The following BRAF variants were observed in gnomAD, a reference collection of about 807,000 sequenced individuals.
The protein encoded by BRAF is serine/threonine-protein kinase B-raf.
Under a neutral mutation model 104.6 loss-of-function variants are expected in BRAF, and 16 were observed. That is an observed-to-expected ratio of 0.15 (90% CI 0.10 to 0.23). The LOEUF is 0.23. Ranked by LOEUF, BRAF falls within the 10% of genes least tolerant of loss-of-function variation. The probability of loss-of-function intolerance (pLI) is 1.00; values close to 1 mark genes in which losing one functional copy is unlikely to be tolerated. For missense variants in BRAF, 541 were observed against 937.3 expected, an observed-to-expected ratio of 0.58 and a Z score of 5.52; for synonymous variants, 310 against 341.6, an observed-to-expected ratio of 0.91 and a Z score of 1.02.
Position 140,783,128 on chromosome 7 carries a change from G to A in BRAF, c.1327C>T (p.Pro443Ser), listed in dbSNP as rs749792302. ...GTTAGTGAGCCAGGTAATGAGGCAG[G>A]GGGGGTAGCAGACAAACCTGTGGTT... ...GSTTGLSATP[P>S]ASLPGSLTNV... The change falls in exon 11 of 20, where the codon CCT becomes TCT. Residue 443 changes from proline to serine, a missense_variant. This residue lies in a region of BRAF where 109 missense variants were observed against 143.9 expected (regional missense o/e 0.76). Transcript: ENST00000644969. The A allele has an allele frequency of 2.5e-6, 4 of 1,614,018 alleles. No homozygotes were observed. Among genetic ancestry groups the A allele is most frequent in the South Asian group, 1.1e-5 (1 of 91,070 alleles).
chr7:140,748,439 T>A (rs570930464), intron 17 of BRAF, among the ~76,000 whole-genome samples: 1 of 152,254 alleles, frequency 6.6e-6, no homozygotes, highest in South Asian at 2.1e-4. Flanking sequence ...TTAATTACAA[T>A]CTGCTCCAGT....
intron 18 of BRAF, among the ~76,000 whole-genome samples, chr7:140,736,193 C>A (rs528719502): frequency 6.6e-6 from 1 of 151,480 alleles, no homozygotes; most frequent in Admixed American, 6.6e-5. Context: ...GCCTCAGCCT[C>A]CCGAGTAGCT....
In BRAF at chr7:140,721,947, T is replaced by A; in HGVS notation, c.*4547A>T. 1.6e-6 allele frequency: 2 copies of A among 1,251,154 alleles called. No individual in the cohort carries two copies. Among genetic ancestry groups the A allele is most frequent in the Non-Finnish European group, 2.0e-6 (2 of 999,636 alleles). 77.5% of individuals were successfully genotyped at this position (1,251,154 alleles called of 1,614,324 possible). A position where few individuals can be genotyped will look rare whatever the true frequency, so the allele number is the denominator to read the frequency against. On this transcript the variant is annotated 3_prime_UTR_variant, in exon 20 of 20. Coordinates refer to ENST00000644969, the MANE Select transcript of BRAF (RefSeq NM_001374258.1). ...AAACTCTGAAAAATCAGTGTCTAGG[T>A]TGGCAGCAGTACTCTGGAAACTGAT...
At chr7:140,829,310 T>C (rs114249437) in intron 3 of BRAF, among the ~76,000 whole-genome samples, 2,169 of 151,686 alleles carry the variant, frequency 0.014, 53 homozygotes, top group African/African-American at 0.049. Context: ...AGATTTTACA[T>C]GCAGCCTACT....
At chr7:140,842,267 T>C (rs1808046251) in intron 2 of BRAF, among the ~76,000 whole-genome samples, 1 of 152,222 alleles carries the variant, frequency 6.6e-6, no homozygotes, top group Non-Finnish European at 1.5e-5. Flanking sequence ...ACCTTGGCCA[T>C]ATTATTAAAT....
downstream of BRAF, among the ~76,000 whole-genome samples, chr7:140,716,252 A>G (rs1257430983): frequency 6.6e-6 from 1 of 152,204 alleles, no homozygotes; most frequent in Admixed American, 6.5e-5. Context: ...TTGGAGTCAG[A>G]CTTGCTGGAT....
intron 17 of BRAF, among the ~76,000 whole-genome samples, chr7:140,748,670 A>G (rs1413054673): frequency 6.6e-6 from 1 of 152,114 alleles, no homozygotes; most frequent in African/African-American, 2.4e-5. Context: ...GCCAATTTTA[A>G]AAGTCTAAGC....
chr7:140,799,283 A>C (rs1010041064), intron 7 of BRAF: 2 of 232,454 alleles, frequency 8.6e-6, no homozygotes, highest in African/African-American at 4.4e-5. Flanking sequence ...ACTTGTCTTC[A>C]CTGCCTCTCT....
At chr7:140,870,955 C>T (rs904164745) in intron 1 of BRAF, among the ~76,000 whole-genome samples, 1 of 151,466 alleles carries the variant, frequency 6.6e-6, no homozygotes, top group Admixed American at 6.6e-5. Context: ...TGGCTGGGCG[C>T]GGTGGCTCAC....
At position 140,918,536 on chromosome 7, in the gene BRAF, T is replaced by C. The variant is rs183522729; in HGVS notation, c.138+6030A>G. 4.3e-3 allele frequency among the ~76,000 whole-genome samples: 658 copies of C among 152,238 alleles called. 5 individuals carry two copies. The highest frequency in any genetic ancestry group is 5.1e-3 in the Non-Finnish European group (346 of 68,010). ...CTGTGGCCCAGGGGTTGGGGGCCCCTGGTATAGAGGCACTAAACAGAGCCC... is the reference window on the plus strand; with the variant it reads ...CTGTGGCCCAGGGGTTGGGGGCCCCCGGTATAGAGGCACTAAACAGAGCCC... On this transcript the variant is annotated intron_variant, in intron 1 of 19. Transcript: ENST00000644969.
At chr7:140,904,384 G>C (rs1816049723) in intron 1 of BRAF, among the ~76,000 whole-genome samples, 1 of 150,968 alleles carries the variant, frequency 6.6e-6, no homozygotes, top group South Asian at 2.1e-4. Flanking sequence ...CTCCAGCTCA[G>C]TTATTTTTTT....
chr7:140,870,869 C>CT (rs1295589944), intron 1 of BRAF, among the ~76,000 whole-genome samples: 7 of 134,446 alleles, frequency 5.2e-5, no homozygotes, highest in African/African-American at 2.0e-4. Context: ...CCTTTTCTTA[C>CT]TTAAAAAAAA....
At chr7:140,815,136 T>C (rs1000342106) in intron 3 of BRAF, among the ~76,000 whole-genome samples, 1 of 151,526 alleles carries the variant, frequency 6.6e-6, no homozygotes, top group Non-Finnish European at 1.5e-5. Flanking sequence ...TTACATCAAT[T>C]ACATTTTTTT....
At chr7:140,842,645 G>A (rs546591126) in intron 2 of BRAF, among the ~76,000 whole-genome samples, 1 of 152,302 alleles carries the variant, frequency 6.6e-6, no homozygotes, top group African/African-American at 2.4e-5. Context: ...TGGAAACACT[G>A]AGAGGAAATG....
chr7:140,866,672 T>G (rs1376403182), intron 1 of BRAF, among the ~76,000 whole-genome samples: 1 of 152,128 alleles, frequency 6.6e-6, no homozygotes, highest in Non-Finnish European at 1.5e-5. Context: ...TTAGTCAAGA[T>G]GTTATATTTT....
chr7:140,865,896 CA>C (rs1159147110), intron 1 of BRAF, among the ~76,000 whole-genome samples: 2 of 152,156 alleles, frequency 1.3e-5, no homozygotes, highest in Non-Finnish European at 2.9e-5. Flanking sequence ...GAGGATCAAA[CA>C]TTTTTTTCTG....
At chr7:140,876,507 CAAAT>C (rs1278290960) in intron 1 of BRAF, among the ~76,000 whole-genome samples, 1 of 152,124 alleles carries the variant, frequency 6.6e-6, no homozygotes, top group Non-Finnish European at 1.5e-5. Flanking sequence ...TCTATAGATA[CAAAT>C]TAAAAGACAA....
rs1795261760 is a variant in BRAF at position 140,720,335 on chromosome 7, T to G, written c.*6159A>C. ...AAAGGAAACACGGAGGACCCATGGA[T>G]GCATTTTAAAATGAAGGCAGGAGAA... On this transcript the variant is annotated 3_prime_UTR_variant, in exon 20 of 20. Coordinates refer to ENST00000644969, the MANE Select transcript of BRAF (RefSeq NM_001374258.1). The G allele has an allele frequency of 1.1e-5, 12 of 1,062,528 alleles. No homozygotes were observed. The highest frequency in any genetic ancestry group is 1.4e-5 in the Non-Finnish European group (12 of 877,610). The allele number at this position is 1,062,528 out of a possible 1,614,324, so 65.8% of individuals were successfully genotyped here.
chr7:140,901,827 A>C (rs1254476442), intron 1 of BRAF, among the ~76,000 whole-genome samples: 1 of 152,200 alleles, frequency 6.6e-6, no homozygotes, highest in Non-Finnish European at 1.5e-5. Flanking sequence ...CATCTGGGGC[A>C]CACTTTCATC....
Sources: gnomAD v4.1 joint callset for allele counts (sites outside exome capture counted in the v4.1 genomes callset) on GRCh38, gnomAD v4.1.1 for gene constraint, gnomAD v4.1.1 regional missense constraint, MANE v1.5 for transcripts, NCBI Gene and HGNC (gene_info 2026-07-23, HGNC 2026-07-21) for gene names.